COL8A1: variants seen among roughly 807,000 people sequenced by gnomAD.
COL8A1 encodes the protein collagen type VIII alpha 1 chain.
Under a neutral mutation model 42.7 loss-of-function variants are expected in COL8A1, and 21 were observed. That is an observed-to-expected ratio of 0.49 (90% CI 0.35 to 0.71). The LOEUF (loss-of-function observed/expected upper bound fraction) is 0.71, where lower values mean the gene tolerates loss of function less well. Among genes scored for constraint, COL8A1 ranks in the 30% least tolerant of loss-of-function variants. COL8A1 has a pLI of 0.01. For synonymous variants in COL8A1, 367 were observed against 369.1 expected, an observed-to-expected ratio of 0.99 and a Z score of 0.06; for missense variants, 788 against 962.4, an observed-to-expected ratio of 0.82 and a Z score of 2.40.
chr3:99,755,127 A>G (rs1484390263), intron 2 of COL8A1, among the ~76,000 whole-genome samples: 1 of 152,224 alleles, frequency 6.6e-6, no homozygotes, highest in African/African-American at 2.4e-5. Flanking sequence ...TTTGAGAAAT[A>G]AAGATATTGA....
intron 2 of COL8A1, among the ~76,000 whole-genome samples, chr3:99,780,882 A>G (rs1169509358): frequency 6.6e-6 from 1 of 152,150 alleles, no homozygotes; most frequent in Non-Finnish European, 1.5e-5. Flanking sequence ...CACCCCTTAA[A>G]TAAATGGAAT....
intron 2 of COL8A1, among the ~76,000 whole-genome samples, chr3:99,787,183 ATATC>A (rs1941913028): frequency 6.6e-6 from 1 of 152,226 alleles, no homozygotes; most frequent in South Asian, 2.1e-4. Flanking sequence ...AGCATTTAAA[ATATC>A]TATCACATTA....
intron 2 of COL8A1, among the ~76,000 whole-genome samples, chr3:99,758,688 A>G (rs1017526879): frequency 6.6e-6 from 1 of 152,214 alleles, no homozygotes; most frequent in African/African-American, 2.4e-5. Flanking sequence ...ACTGGGAACC[A>G]GGAAGGCAAG....
chr3:99,734,146 T>C (rs1940621583), intron 1 of COL8A1, among the ~76,000 whole-genome samples: 1 of 151,242 alleles, frequency 6.6e-6, no homozygotes, highest in Non-Finnish European at 1.5e-5. Flanking sequence ...AGAAGCTCTT[T>C]AGTTTAATTA....
intron 1 of COL8A1, among the ~76,000 whole-genome samples, chr3:99,661,520 A>G (rs927706421): frequency 2.6e-5 from 4 of 152,218 alleles, no homozygotes; most frequent in African/African-American, 9.6e-5. Flanking sequence ...ACTGTTGATG[A>G]GAATATAAAA....
chr3:99,665,673 CTTTTTTTTTTT>C (rs67004417), intron 1 of COL8A1, among the ~76,000 whole-genome samples: 1 of 70,222 alleles, frequency 1.4e-5, no homozygotes, highest in Admixed American at 1.9e-4. Context: ...TGAATTAATT[CTTTTTTTTTTT>C]TTTTTTTTTT....
At chr3:99,758,951 T>C (rs1368658550) in intron 2 of COL8A1, among the ~76,000 whole-genome samples, 2 of 152,150 alleles carry the variant, frequency 1.3e-5, no homozygotes, top group African/African-American at 4.8e-5. Context: ...AGGACTATTA[T>C]TGGCCTTGAC....
intron 2 of COL8A1, among the ~76,000 whole-genome samples, chr3:99,753,736 G>A (rs1941198847): frequency 6.6e-6 from 1 of 152,068 alleles, no homozygotes; most frequent in South Asian, 2.1e-4. Context: ...TTGTATCTCA[G>A]TACTATGAAA....
intron 1 of COL8A1, among the ~76,000 whole-genome samples, chr3:99,666,164 G>T (rs780651116): frequency 1.3e-5 from 2 of 152,122 alleles, no homozygotes; most frequent in Admixed American, 1.3e-4. Context: ...ACCTTCACAA[G>T]GTTCTTGGCT....
intron 2 of COL8A1, among the ~76,000 whole-genome samples, chr3:99,761,105 T>C (rs2107425352): frequency 6.6e-6 from 1 of 152,318 alleles, no homozygotes; most frequent in Middle Eastern, 3.4e-3. Flanking sequence ...TCCAGAACTA[T>C]ACCCACATGA....
intron 1 of COL8A1, among the ~76,000 whole-genome samples, chr3:99,744,230 G>A (rs1057010706): frequency 3.3e-5 from 5 of 152,078 alleles, no homozygotes; most frequent in African/African-American, 9.7e-5. Context: ...GTGCCTGGCC[G>A]ATATTTCTTA....
At chr3:99,666,221 G>A (rs59346266) in intron 1 of COL8A1, among the ~76,000 whole-genome samples, 4,726 of 152,148 alleles carry the variant, frequency 0.031, 179 homozygotes, top group East Asian at 0.15. Context: ...TCCCATGTGA[G>A]GAAATAACAG....
intron 1 of COL8A1, among the ~76,000 whole-genome samples, chr3:99,726,669 A>G (rs1221540687): frequency 6.6e-6 from 1 of 152,072 alleles, no homozygotes; most frequent in Non-Finnish European, 1.5e-5. Flanking sequence ...TAAATAGGGA[A>G]TCCTTTCCCC....
At chr3:99,727,053 T>A (rs1940355589) in intron 1 of COL8A1, among the ~76,000 whole-genome samples, 1 of 152,182 alleles carries the variant, frequency 6.6e-6, no homozygotes, top group African/African-American at 2.4e-5. Flanking sequence ...GAGCATGGAA[T>A]GTTCTTCCAT....
intron 1 of COL8A1, among the ~76,000 whole-genome samples, chr3:99,726,848 T>C (rs1385565945): frequency 2.0e-5 from 3 of 152,190 alleles, no homozygotes; most frequent in Non-Finnish European, 4.4e-5. Flanking sequence ...GGTAGTGTGA[T>C]GCCTCCAGCT....
chr3:99,772,777 G>C (rs1447471123), intron 2 of COL8A1, among the ~76,000 whole-genome samples: 1 of 152,128 alleles, frequency 6.6e-6, no homozygotes, highest in Non-Finnish European at 1.5e-5. Flanking sequence ...CCAAACAATG[G>C]CCAGAACTCA....
intron 1 of COL8A1, among the ~76,000 whole-genome samples, chr3:99,734,864 A>C (rs1205027438): frequency 6.6e-6 from 1 of 152,110 alleles, no homozygotes; most frequent in African/African-American, 2.4e-5. Context: ...GAGGTCCTTC[A>C]CATCCCTTGT....
chr3:99,787,237 T>C (rs1941914230), intron 2 of COL8A1, among the ~76,000 whole-genome samples: 1 of 152,200 alleles, frequency 6.6e-6, no homozygotes. Flanking sequence ...GTTATGTACA[T>C]TACAGGTCAT....
At chr3:99,723,464 A>G (rs775611147) in intron 1 of COL8A1, among the ~76,000 whole-genome samples, 6 of 152,144 alleles carry the variant, frequency 3.9e-5, no homozygotes, top group Admixed American at 1.3e-4. Flanking sequence ...AACAAAAACA[A>G]AAACAAAACT....
Sources: gnomAD v4.1 joint callset for allele counts (sites outside exome capture counted in the v4.1 genomes callset) on GRCh38, gnomAD v4.1.1 for gene constraint, MANE v1.5 for transcripts, NCBI Gene and HGNC (gene_info 2026-07-23, HGNC 2026-07-21) for gene names.